The following ENTHD1 variants were observed in gnomAD, a reference collection of about 807,000 sequenced individuals.
ENTHD1 encodes ENTH domain containing 1.
A neutral mutation model predicts 39.1 loss-of-function variants in ENTHD1; 23 were observed. That is an observed-to-expected ratio of 0.59 (90% CI 0.42 to 0.83). The LOEUF (loss-of-function observed/expected upper bound fraction) is 0.83. Among genes scored for constraint, ENTHD1 ranks in the 40% least tolerant of loss-of-function variants. The pLI, the probability that ENTHD1 is intolerant of heterozygous loss-of-function variation, is 0.00. For synonymous variants in ENTHD1, 230 were observed against 258.2 expected (o/e 0.89, Z 1.05); for missense variants, 624 against 705.4 (o/e 0.88, Z 1.31).
At chr22:39,820,732 T>G (rs897243242) in intron 5 of ENTHD1, among the ~76,000 whole-genome samples, 1 of 152,192 alleles carries the variant, frequency 6.6e-6, no homozygotes, top group African/African-American at 2.4e-5. Flanking sequence ...TAAAATTAAT[T>G]TTCTGCTATT....
intron 4 of ENTHD1, among the ~76,000 whole-genome samples, chr22:39,823,703 A>T (rs941036250): frequency 6.6e-6 from 1 of 152,180 alleles, no homozygotes; most frequent in Admixed American, 6.5e-5. Flanking sequence ...TGCTGTTCAT[A>T]TAGTAGCCAC....
Position 39,820,672 on chromosome 22 carries a change from G to GC in ENTHD1, c.832+320dup, listed in dbSNP as rs1446683915. On this transcript the variant is annotated intron_variant, in intron 5 of 6. Coordinates refer to ENST00000325157, the MANE Select transcript of ENTHD1 (RefSeq NM_152512.4). ...CTCTTCACATTTTCACTTGATGCCT[G>GC]CTTTTGAAAGAGTTCATAATTTAAA... 2.0e-5 allele frequency among the ~76,000 whole-genome samples: 3 copies of GC among 152,212 alleles called. No individual in the cohort carries two copies. In the East Asian group the frequency reaches 5.8e-4, roughly 29 times the overall value.
chr22:39,858,674 T>C (rs1377117566), intron 3 of ENTHD1, among the ~76,000 whole-genome samples: 2 of 152,246 alleles, frequency 1.3e-5, no homozygotes, highest in Non-Finnish European at 2.9e-5. Flanking sequence ...CACTGTGTTT[T>C]AGCAGGCACG....
rs185840208 is a variant in ENTHD1 at position 39,878,916 on chromosome 22, T to C, written c.349+8484A>G. Among the ~76,000 whole-genome samples, 995 of 152,140 alleles carry C rather than the reference T, an allele frequency of 6.5e-3. 8 individuals carry two copies. Among genetic ancestry groups the C allele is most frequent in the African/African-American group, 0.023 (950 of 41,514 alleles). On this transcript the variant is annotated intron_variant, in intron 2 of 6. Coordinates refer to ENST00000325157, the MANE Select transcript of ENTHD1 (RefSeq NM_152512.4). Reference sequence around the variant, plus strand: ...GACAGGAAGAAGAAATCAGAATTATTTTATTATTATAAGGTACTAGCACTA... The same window carrying C: ...GACAGGAAGAAGAAATCAGAATTATCTTATTATTATAAGGTACTAGCACTA...
intron 6 of ENTHD1, among the ~76,000 whole-genome samples, chr22:39,744,738 C>T (rs2065090178): frequency 6.6e-6 from 1 of 152,062 alleles, no homozygotes; most frequent in Non-Finnish European, 1.5e-5. Context: ...GAACTACCAA[C>T]TACAAGTACC....
Position 39,743,580 on chromosome 22 carries a change from C to T in ENTHD1, c.*99G>A, listed in dbSNP as rs1191893661. On this transcript the variant is annotated 3_prime_UTR_variant, in exon 7 of 7. Coordinates refer to ENST00000325157, the MANE Select transcript of ENTHD1 (RefSeq NM_152512.4). Reference sequence around the variant, plus strand: ...ACCTGACAAGGAAAAATTAAACCATCCCCTTTTTTGCCATAATAATATGAA... The same window carrying T: ...ACCTGACAAGGAAAAATTAAACCATTCCCTTTTTTGCCATAATAATATGAA... 1.5e-6 allele frequency: 2 copies of T among 1,330,632 alleles called. No homozygotes were observed. Among genetic ancestry groups the T allele is most frequent in the Non-Finnish European group, 2.0e-6 (2 of 1,011,574 alleles). The allele number at this position is 1,330,632 out of a possible 1,614,324, so 82.4% of individuals were successfully genotyped here. A position where few individuals can be genotyped will look rare whatever the true frequency, so the allele number is the denominator to read the frequency against.
Position 39,887,515 on chromosome 22 carries a change from C to T in ENTHD1, c.234G>A (p.Met78Ile). Residue 78 changes from methionine to isoleucine, a missense_variant, in exon 2 of 7, where the codon ATG becomes ATA. Coordinates refer to ENST00000325157, the MANE Select transcript of ENTHD1 (RefSeq NM_152512.4). Reference protein sequence around the residue: ...WRHVYKSLTLMDYLIKNGSKK... With the variant: ...WRHVYKSLTLIDYLIKNGSKK... ...TTGATCCATTCTTGATGAGATAATCCATTAGGGTAAGGGATTTATACACGT... is the reference window on the plus strand; with the variant it reads ...TTGATCCATTCTTGATGAGATAATCTATTAGGGTAAGGGATTTATACACGT... 1 of 1,614,096 alleles carries T rather than the reference C, an allele frequency of 6.2e-7. No individual in the cohort carries two copies. The highest frequency in any genetic ancestry group is 1.3e-5 in the African/African-American group (1 of 74,982).
At chr22:39,811,992 A>C (rs1601610790) in intron 5 of ENTHD1, among the ~76,000 whole-genome samples, 1 of 88,856 alleles carries the variant, frequency 1.1e-5, no homozygotes, top group East Asian at 3.6e-4. Context: ...AAAAACAAAA[A>C]CAAAAACAAA....
chr22:39,882,294 T>G (rs2066344483), intron 2 of ENTHD1, among the ~76,000 whole-genome samples: 1 of 152,180 alleles, frequency 6.6e-6, no homozygotes, highest in Non-Finnish European at 1.5e-5. Context: ...CAGCAATTAA[T>G]TCTGCCCATT....
rs780029316 is a variant in ENTHD1, at chr22:39,872,739, T to A, written c.350-10732A>T. Among the ~76,000 whole-genome samples the A allele has an allele frequency of 7.2e-4, 110 of 152,206 alleles. 1 individual carries two copies. The highest frequency in any genetic ancestry group is 9.7e-4 in the Non-Finnish European group (66 of 68,012). ...AGTATTATACTAATACAGAAATCGG[T>A]CATTAGTATAAATGTGAAGCACCTC... On this transcript the variant is annotated intron_variant, in intron 2 of 6. Transcript: ENST00000325157.
At chr22:39,790,942 A>G (rs1299878467) in intron 5 of ENTHD1, among the ~76,000 whole-genome samples, 2 of 152,104 alleles carry the variant, frequency 1.3e-5, no homozygotes, top group East Asian at 3.9e-4. Flanking sequence ...GTCCCTTTAT[A>G]ATATTTTCAA....
At chr22:39,882,651 T>TTAAG (rs1393150260) in intron 2 of ENTHD1, among the ~76,000 whole-genome samples, 2 of 152,068 alleles carry the variant, frequency 1.3e-5, no homozygotes, top group East Asian at 3.8e-4. Context: ...GCACATTTAT[T>TTAAG]TAAGTATGAG....
intron 2 of ENTHD1, among the ~76,000 whole-genome samples, chr22:39,862,670 A>G (rs2033832003): frequency 6.6e-6 from 1 of 152,224 alleles, no homozygotes; most frequent in Non-Finnish European, 1.5e-5. Flanking sequence ...ACCAGGACAC[A>G]TGGTTAAAGA....
Position 39,861,935 on chromosome 22 carries a change from C to A in ENTHD1, c.422G>T (p.Arg141Met), listed in dbSNP as rs146770098. ...CTGTCTAGTCCGACATGCCACTTCC[C>A]TCTCTTTACACAGCAATGGTTCATC... is the stretch of plus-strand genomic sequence containing the variant. ...LMDEPLLCKE[R>M]EVACRTRQRT... Residue 141 changes from arginine to methionine, a missense_variant, in exon 3 of 7, where the codon AGG becomes ATG. Physicochemically the swap from Arg to Met is moderately conservative, Grantham distance 91. Transcript: ENST00000325157. 1.0e-5 allele frequency: 16 copies of A among 1,596,506 alleles called. No homozygotes were observed. In the African/African-American group the frequency reaches 2.1e-4, roughly 21 times the overall value.
At chr22:39,888,260 CTTTTT>C (rs61092462) in intron 1 of ENTHD1, among the ~76,000 whole-genome samples, 24 of 110,656 alleles carry the variant, frequency 2.2e-4, no homozygotes, top group South Asian at 3.1e-4. Context: ...TTCTTTCTTT[CTTTTT>C]TTTTTTTTTT....
At chr22:39,760,237 A>G (rs554476679) in intron 6 of ENTHD1, among the ~76,000 whole-genome samples, 1 of 152,162 alleles carries the variant, frequency 6.6e-6, no homozygotes, top group South Asian at 2.1e-4. Context: ...TAAAATCTCA[A>G]ATTAAAACTG....
At chr22:39,853,399 G>C (rs545791544) in intron 3 of ENTHD1, among the ~76,000 whole-genome samples, 42 of 152,158 alleles carry the variant, frequency 2.8e-4, no homozygotes, top group Non-Finnish European at 7.4e-5. Context: ...GTCGGGTGTA[G>C]TGGCAGGCAC....
At position 39,887,461 on chromosome 22, in the gene ENTHD1, C is replaced by T. The variant is rs2066388519; in HGVS notation, c.288G>A (p.Gly96=). ...CTTTTAGTGTTTGAAGGTTACAGAACCCCTCTCTGCAATGCTGAATAACTT... is the reference window on the plus strand; with the variant it reads ...CTTTTAGTGTTTGAAGGTTACAGAATCCCTCTCTGCAATGCTGAATAACTT... ...SKKVIQHCRE[G]FCNLQTLKDF... The change falls in exon 2 of 7, where the codon GGG becomes GGA. Residue 96 remains glycine, a synonymous_variant. Coordinates refer to ENST00000325157, the MANE Select transcript of ENTHD1 (RefSeq NM_152512.4). The T allele has an allele frequency of 2.5e-6, 4 of 1,614,014 alleles. No individual in the cohort carries two copies. In the South Asian group the frequency reaches 3.3e-5, roughly 13 times the overall value.
chr22:39,801,891 A>AT (rs58876554), intron 5 of ENTHD1, among the ~76,000 whole-genome samples: 114 of 151,548 alleles, frequency 7.5e-4, no homozygotes, highest in African/African-American at 2.4e-3. Context: ...CACAGTTAAC[A>AT]TTTTTTTTTA....
Sources: allele counts gnomAD v4.1 joint callset (sites outside exome capture counted in the v4.1 genomes callset), GRCh38; gene constraint gnomAD v4.1.1; transcripts MANE v1.5; gene names NCBI Gene and HGNC (gene_info 2026-07-23, HGNC 2026-07-21).